The following PALM2AKAP2 variants were observed in gnomAD, a reference collection of about 807,000 sequenced individuals.
PALM2AKAP2 encodes PALM2 and AKAP2 fusion, also known as PALM2-AKAP2 fusion protein.
A neutral mutation model predicts 71.5 loss-of-function variants in PALM2AKAP2; 37 were observed. The ratio of observed to expected loss-of-function variants is 0.52; its 90% CI spans 0.40 to 0.68. The LOEUF (loss-of-function observed/expected upper bound fraction) is 0.68, where lower values mean the gene tolerates loss of function less well. Ranked by LOEUF, PALM2AKAP2 falls within the 30% of genes least tolerant of loss-of-function variation. PALM2AKAP2 has a pLI of 0.00. For synonymous variants in PALM2AKAP2, 468 were observed against 478.8 expected, an observed-to-expected ratio of 0.98 and a Z score of 0.29; for missense variants, 1,224 against 1,191.8, an observed-to-expected ratio of 1.03 and a Z score of -0.40.
At chr9:109,804,044 G>T (rs1328231121) in intron 1 of PALM2AKAP2, among the ~76,000 whole-genome samples, 1 of 152,176 alleles carries the variant, frequency 6.6e-6, no homozygotes, top group Non-Finnish European at 1.5e-5. Flanking sequence ...CTCCCAGCCA[G>T]GCTCTGACAG....
intron 1 of PALM2AKAP2, among the ~76,000 whole-genome samples, chr9:110,076,969 C>G (rs1410867208): frequency 6.6e-6 from 1 of 152,112 alleles, no homozygotes; most frequent in Non-Finnish European, 1.5e-5. Flanking sequence ...CAATGTATAC[C>G]ACCCCTGTGG....
At chr9:109,984,171 G>A (rs1832330440) in intron 6 of PALM2AKAP2, among the ~76,000 whole-genome samples, 1 of 151,974 alleles carries the variant, frequency 6.6e-6, no homozygotes, top group South Asian at 2.1e-4. Flanking sequence ...TAATACTATT[G>A]GGGTAGCTAA....
intron 3 of PALM2AKAP2, among the ~76,000 whole-genome samples, chr9:109,882,536 T>C (rs904929733): frequency 1.7e-4 from 26 of 152,236 alleles, no homozygotes; most frequent in African/African-American, 6.3e-4. Flanking sequence ...ATTTATATCA[T>C]ATACATATAT....
intron 6 of PALM2AKAP2, among the ~76,000 whole-genome samples, chr9:110,005,741 C>G (rs1049107504): frequency 1.3e-5 from 2 of 152,232 alleles, no homozygotes; most frequent in Non-Finnish European, 2.9e-5. Flanking sequence ...ACCCCTCCCC[C>G]AGCCTCGCTG....
At chr9:109,861,205 C>T (rs1386636689) in intron 1 of PALM2AKAP2, among the ~76,000 whole-genome samples, 1 of 152,232 alleles carries the variant, frequency 6.6e-6, no homozygotes, top group Non-Finnish European at 1.5e-5. Flanking sequence ...GTTTCTCACA[C>T]ACTCAGTTGG....
intron 1 of PALM2AKAP2, among the ~76,000 whole-genome samples, chr9:109,746,853 GC>G (rs1828811419): frequency 6.6e-6 from 1 of 152,210 alleles, no homozygotes; most frequent in Admixed American, 6.5e-5. Flanking sequence ...CTTCTAGTTG[GC>G]AGCAGCCTAG....
At chr9:109,742,892 G>A (rs1209800720) in intron 1 of PALM2AKAP2, among the ~76,000 whole-genome samples, 1 of 152,112 alleles carries the variant, frequency 6.6e-6, no homozygotes, top group Non-Finnish European at 1.5e-5. Flanking sequence ...TCTCACCACA[G>A]CCACAAAAAG....
chr9:109,745,945 A>G (rs1434139977), intron 1 of PALM2AKAP2, among the ~76,000 whole-genome samples: 1 of 152,248 alleles, frequency 6.6e-6, no homozygotes, highest in African/African-American at 2.4e-5. Context: ...TATAATATGT[A>G]TTTTTACTAG....
chr9:110,148,661 AAGG>A (rs1170574045), intron 2 of PALM2AKAP2: 1 of 152,202 alleles, frequency 6.6e-6, no homozygotes, highest in African/African-American at 2.4e-5. Context: ...TGTGTGAAGA[AAGG>A]AGGTCATTGA....
rs181144153 is a variant in PALM2AKAP2, at chr9:109,822,444, G to A, written c.45+41911G>A. On this transcript the variant is annotated intron_variant, in intron 1 of 9. Coordinates refer to the PALM2AKAP2 transcript ENST00000302798. ...CTTATATGGGTAAATTGCATGTCAC[G>A]GGGGGTTGGTGTACAGATTACTTTG... 9.9e-5 allele frequency among the ~76,000 whole-genome samples: 15 copies of A among 152,208 alleles called. 1 individual carries two copies. The highest frequency in any genetic ancestry group is 2.6e-4 in the African/African-American group (11 of 41,526).
At chr9:110,048,331 C>A (rs540313887), upstream of PALM2AKAP2, among the ~76,000 whole-genome samples, 88 of 152,252 alleles carry the variant, frequency 5.8e-4, no homozygotes, top group Admixed American at 3.6e-3. Context: ...CCAACACACA[C>A]GTCCACATGC....
intron 1 of PALM2AKAP2, among the ~76,000 whole-genome samples, chr9:109,856,451 G>A (rs866647202): frequency 6.6e-6 from 1 of 152,184 alleles, no homozygotes; most frequent in South Asian, 2.1e-4. Context: ...CTGAAGGGCA[G>A]GTCTTTTGTG....
At chr9:109,980,758 G>C (rs139248356) in intron 6 of PALM2AKAP2, among the ~76,000 whole-genome samples, 25 of 152,300 alleles carry the variant, frequency 1.6e-4, no homozygotes, top group African/African-American at 5.5e-4. Context: ...CCACATACAG[G>C]CCAATTGTTC....
chr9:110,016,191 A>G (rs2132343847), intron 7 of PALM2AKAP2, 152 bp downstream of exon 7: 1 of 743,654 alleles, frequency 1.3e-6, no homozygotes, highest in Admixed American at 2.5e-5. Context: ...GCAACCGTAC[A>G]TAAGATTTTC....
At chr9:109,933,773 A>G (rs1831161666) in intron 6 of PALM2AKAP2, among the ~76,000 whole-genome samples, 1 of 152,230 alleles carries the variant, frequency 6.6e-6, no homozygotes, top group Non-Finnish European at 1.5e-5. Context: ...GCGTAAATGC[A>G]TCTACTGTGG....
chr9:109,686,919 T>C (rs955065536), intron 1 of PALM2AKAP2, among the ~76,000 whole-genome samples: 2 of 150,436 alleles, frequency 1.3e-5, no homozygotes, highest in African/African-American at 2.4e-5. Context: ...TGAGTGAGAA[T>C]ATGCAGTGTT....
chr9:109,953,791 C>T (rs1029178313), intron 6 of PALM2AKAP2, among the ~76,000 whole-genome samples: 1 of 141,466 alleles, frequency 7.1e-6, no homozygotes, highest in Non-Finnish European at 1.5e-5. Context: ...GCTGAGATCG[C>T]ACCACTGCAC....
In PALM2AKAP2 at chr9:110,150,513, C is replaced by T. The variant is rs115147856; in HGVS notation, c.2570-5806C>T. ...TCTCTCTCGCTGACCCTCCTAGTTC[C>T]CTCCTACAATTACATCAGACCCAAC... On this transcript the variant is annotated intron_variant, in intron 2 of 3. Transcript: ENST00000374525. 7.4e-4 allele frequency among the ~76,000 whole-genome samples: 113 copies of T among 152,280 alleles called. 1 individual carries two copies. Among genetic ancestry groups the T allele is most frequent in the African/African-American group, 2.4e-3 (99 of 41,558 alleles).
intron 1 of PALM2AKAP2, among the ~76,000 whole-genome samples, chr9:109,851,655 C>T (rs776280513): frequency 6.6e-6 from 1 of 152,158 alleles, no homozygotes. Context: ...GATGATGGTG[C>T]ACTTCTCCTG....
Sources: gnomAD v4.1 joint callset for allele counts (sites outside exome capture counted in the v4.1 genomes callset) on GRCh38, gnomAD v4.1.1 for gene constraint, MANE v1.5 for transcripts, NCBI Gene and HGNC (gene_info 2026-07-23, HGNC 2026-07-21) for gene names.